Variants in SCPEP1 observed in about 807,000 individuals in gnomAD.
The protein encoded by SCPEP1 is serine carboxypeptidase 1.
A neutral mutation model predicts 63.8 loss-of-function variants in SCPEP1; 51 were observed. That is an observed-to-expected ratio of 0.80 (90% CI 0.64 to 1.01). SCPEP1 has a LOEUF of 1.01. Ranked by LOEUF, SCPEP1 falls within the 50% of genes least tolerant of loss-of-function variation. The pLI is 0.00. For synonymous variants in SCPEP1, 204 were observed against 207.8 expected (o/e 0.98, Z 0.16); for missense variants, 499 against 554.9 (o/e 0.90, Z 1.01).
Position 56,981,607 on chromosome 17 carries a change from G to A in SCPEP1, c.225+377G>A, listed in dbSNP as rs367621038. ...AGGTGGGTGGATCATACGAGGCCAG[G>A]AGTTCGAGACCAGGCTGGCCGACAT... On this transcript the variant is annotated intron_variant, in intron 2 of 12. Coordinates refer to ENST00000262288, the MANE Select transcript of SCPEP1 (RefSeq NM_021626.3). 1.6e-4 allele frequency among the ~76,000 whole-genome samples: 25 copies of A among 152,158 alleles called. No individual in the cohort carries two copies. The East Asian group carries it at 1.7e-3, about 11-fold the overall frequency.
chr17:56,998,985 G>A lies in SCPEP1; in HGVS notation c.994+487G>A, dbSNP rs1052790796. Among the ~76,000 whole-genome samples, 6 of 152,048 alleles carry A rather than the reference G, an allele frequency of 3.9e-5. 1 individual carries two copies. The highest frequency in any genetic ancestry group is 1.4e-4 in the African/African-American group (6 of 41,394). Reference sequence around the variant, plus strand: ...AGGGGAAAAAAAAGACATCAAAATTGATTCAAAATAAGGAGTTGGTAGGGA... The same window carrying A: ...AGGGGAAAAAAAAGACATCAAAATTAATTCAAAATAAGGAGTTGGTAGGGA... On this transcript the variant is annotated intron_variant, in intron 10 of 12. Transcript: ENST00000262288.
chr17:56,978,169 G>C lies in SCPEP1; in HGVS notation c.10G>C (p.Ala4Pro). ...CCGTGCGGTACTTGTCATGGAGCTGGCACTGCGGCGCTCTCCCGTCCCGCG... is the reference window on the plus strand; with the variant it reads ...CCGTGCGGTACTTGTCATGGAGCTGCCACTGCGGCGCTCTCCCGTCCCGCG... MEL[A>P]LRRSPVPRWL... The change falls in exon 1 of 13, where the codon GCA becomes CCA. Residue 4 changes from alanine (A) to proline (P), a missense_variant. Physicochemically the swap from Ala to Pro is conservative, Grantham distance 27. Transcript: ENST00000262288. The C allele has an allele frequency of 2.0e-6, 3 of 1,469,530 alleles. No homozygotes were observed. The highest frequency in any genetic ancestry group is 1.2e-5 in the South Asian group (1 of 85,888). The allele number at this position is 1,469,530 out of a possible 1,614,324, so 91.0% of individuals were successfully genotyped here. A position where few individuals can be genotyped will look rare whatever the true frequency, so the allele number is the denominator to read the frequency against.
At chr17:56,994,050 G>T (rs745505637) in intron 6 of SCPEP1, among the ~76,000 whole-genome samples, 1 of 152,180 alleles carries the variant, frequency 6.6e-6, no homozygotes, top group Non-Finnish European at 1.5e-5. Flanking sequence ...AAGAATACCA[G>T]TCCAGGCCAG....
intron 1 of SCPEP1, among the ~76,000 whole-genome samples, chr17:56,980,688 T>TGA (rs1285183766): frequency 2.0e-5 from 3 of 148,008 alleles, no homozygotes; most frequent in East Asian, 2.0e-4. Flanking sequence ...CTTGGAAGGC[T>TGA]GAGGCAGGAG....
chr17:56,993,852 T>G (rs1475470980), intron 6 of SCPEP1, among the ~76,000 whole-genome samples: 2 of 152,214 alleles, frequency 1.3e-5, no homozygotes, highest in Non-Finnish European at 2.9e-5. Flanking sequence ...ATTTACTATC[T>G]GTCCCTTTAC....
At chr17:56,990,852 C>T (rs529320615) in intron 5 of SCPEP1, among the ~76,000 whole-genome samples, 2 of 152,218 alleles carry the variant, frequency 1.3e-5, no homozygotes, top group South Asian at 4.1e-4. Flanking sequence ...CCAGGCTAGC[C>T]TCGACCTCCT....
intron 10 of SCPEP1, 48 bp downstream of exon 10, chr17:56,998,546 A>G (rs1478804446): frequency 3.6e-6 from 5 of 1,390,868 alleles, no homozygotes; most frequent in Non-Finnish European, 4.1e-6. Context: ...TATGGGGAGA[A>G]AAGAGGTGCA....
intron 3 of SCPEP1, 169 bp from the exon 4 acceptor site, chr17:56,987,525 TC>T: frequency 1.8e-6 from 1 of 562,068 alleles, no homozygotes; most frequent in Non-Finnish European, 2.8e-6. Context: ...TGTTTTTTTT[TC>T]TATGTTCCTG....
intron 12 of SCPEP1, among the ~76,000 whole-genome samples, 171 bp from the exon 13 acceptor site, chr17:57,006,002 G>A (rs181995901): frequency 1.3e-5 from 2 of 152,192 alleles, no homozygotes; most frequent in East Asian, 3.9e-4. Flanking sequence ...TTCATCCAGT[G>A]CAGGAGTCAT....
chr17:56,978,370 G>C, intron 1 of SCPEP1, 135 bp downstream of exon 1: 1 of 1,037,612 alleles, frequency 9.6e-7, no homozygotes, highest in South Asian at 2.8e-5. Context: ...TATTGCTTTT[G>C]AATCTCACTC....
At chr17:56,979,258 G>A (rs1456582720) in intron 1 of SCPEP1, among the ~76,000 whole-genome samples, 3 of 152,066 alleles carry the variant, frequency 2.0e-5, no homozygotes, top group Non-Finnish European at 2.9e-5. Context: ...CAAGTAGCCC[G>A]GACTGCAGAC....
At chr17:56,985,283 C>A in intron 2 of SCPEP1, 95 bp from the exon 3 acceptor site, 1 of 916,368 alleles carries the variant, frequency 1.1e-6, no homozygotes, top group Non-Finnish European at 1.8e-6. Flanking sequence ...ACCCAGCCAT[C>A]ACTAACTCAT....
In SCPEP1 at chr17:56,997,216, A is replaced by C. The variant is rs1276235812; in HGVS notation, c.880+161A>C. On this transcript the variant is annotated intron_variant, in intron 9 of 12. Coordinates refer to ENST00000262288, the MANE Select transcript of SCPEP1 (RefSeq NM_021626.3). ...AGTATATTCCCAGAGTTGTGCAGTC[A>C]TCACTACAATCCAGTTATGGAGCAT... 3.3e-5 allele frequency: 16 copies of C among 483,172 alleles called. 1 individual carries two copies. In the South Asian group the frequency reaches 4.2e-4, roughly 13 times the overall value. 29.9% of individuals were successfully genotyped at this position (483,172 alleles called of 1,614,324 possible).
intron 10 of SCPEP1, among the ~76,000 whole-genome samples, chr17:56,999,285 G>T (rs1036917332): frequency 2.6e-5 from 4 of 152,152 alleles, no homozygotes; most frequent in Non-Finnish European, 5.9e-5. Flanking sequence ...TCCTGATGCT[G>T]GATATGGCCA....
chr17:56,987,815 C>T lies in SCPEP1; in HGVS notation c.436C>T (p.Leu146=), dbSNP rs1264715555. The change falls in exon 4 of 13, where the codon CTG becomes TTG. Residue 146 remains leucine, a synonymous_variant. Transcript: ENST00000262288. ...GGTGGCTTCAGACATGATGGTTCTC[C>T]TGAAGACCTTCTTCAGTTGCCACAA... ...AMVASDMMVL[L]KTFFSCHKEF... is the part of the protein sequence containing the mutation. The T allele has an allele frequency of 1.2e-6, 2 of 1,614,038 alleles. No individual in the cohort carries two copies. Among genetic ancestry groups the T allele is most frequent in the Admixed American group, 3.3e-5 (2 of 59,990 alleles).
chr17:56,984,238 C>A (rs921411138), intron 2 of SCPEP1: 4 of 152,488 alleles, frequency 2.6e-5, no homozygotes, highest in African/African-American at 9.7e-5. Context: ...CTTTTCATAT[C>A]TCCCTTTCCT....
At chr17:56,981,262 A>G in intron 2 of SCPEP1, 32 bp downstream of exon 2, 1 of 1,613,142 alleles carries the variant, frequency 6.2e-7, no homozygotes, top group East Asian at 2.2e-5. Flanking sequence ...GCCTGAGGTC[A>G]AAGCCAAGTC....
chr17:56,978,380 C>A, intron 1 of SCPEP1, 145 bp downstream of exon 1: 4 of 775,996 alleles, frequency 5.2e-6, no homozygotes, highest in Non-Finnish European at 5.3e-6. Context: ...GAATCTCACT[C>A]TTTTTTTTTT....
intron 4 of SCPEP1, among the ~76,000 whole-genome samples, 173 bp from the exon 5 acceptor site, chr17:56,988,043 C>G (rs1462604053): frequency 6.6e-6 from 1 of 152,092 alleles, no homozygotes; most frequent in African/African-American, 2.4e-5. Context: ...AAAGAATGAC[C>G]TTGGAGTGAG....
Sources: gnomAD v4.1 joint callset for allele counts (sites outside exome capture counted in the v4.1 genomes callset) on GRCh38, gnomAD v4.1.1 for gene constraint, MANE v1.5 for transcripts, NCBI Gene and HGNC (gene_info 2026-07-23, HGNC 2026-07-21) for gene names.